STK31: variants seen among roughly 807,000 people sequenced by gnomAD.
STK31 encodes the protein serine/threonine kinase 31, also known as serine/threonine-protein kinase 31.
Under a neutral mutation model 129.7 loss-of-function variants are expected in STK31, and 89 were observed. The ratio of observed to expected loss-of-function variants is 0.69; its 90% CI spans 0.58 to 0.82. The LOEUF (loss-of-function observed/expected upper bound fraction) is 0.82, where lower values mean the gene tolerates loss of function less well. Ranked by LOEUF, STK31 falls within the 40% of genes least tolerant of loss-of-function variation. The probability of loss-of-function intolerance (pLI) is 0.00; values close to 1 mark genes in which losing one functional copy is unlikely to be tolerated. For synonymous variants in STK31, 448 were observed against 395.3 expected, an observed-to-expected ratio of 1.13 and a Z score of -1.58; for missense variants, 1,187 against 1,176.4, an observed-to-expected ratio of 1.01 and a Z score of -0.13.
chr7:23,793,778 C>A (rs1791786344), intron 22 of STK31, among the ~76,000 whole-genome samples: 1 of 152,136 alleles, frequency 6.6e-6, no homozygotes, highest in South Asian at 2.1e-4. Flanking sequence ...TATATATTGC[C>A]CAGGGGAATG....
chr7:23,717,405 A>G (rs1218923462), intron 3 of STK31, 76 bp from the exon 4 acceptor site: 3 of 949,424 alleles, frequency 3.2e-6, no homozygotes, highest in Non-Finnish European at 3.0e-6. Flanking sequence ...TAAGTTTATC[A>G]TGCTTAGAAC....
intron 23 of STK31, among the ~76,000 whole-genome samples, chr7:23,828,538 T>TTCC: frequency 6.6e-6 from 1 of 152,358 alleles, no homozygotes; most frequent in South Asian, 2.1e-4. Flanking sequence ...CCCCTTGCGC[T>TTCC]TCCCGGGTGA....
chr7:23,778,837 A>G (rs764494186), intron 15 of STK31, among the ~76,000 whole-genome samples: 87 of 152,166 alleles, frequency 5.7e-4, no homozygotes, highest in South Asian at 6.2e-4. Context: ...ACTTCTGTCA[A>G]TTCATCAAAC....
chr7:23,738,493 T>C (rs957195705), intron 8 of STK31, among the ~76,000 whole-genome samples: 2 of 152,178 alleles, frequency 1.3e-5, no homozygotes, highest in African/African-American at 2.4e-5. Flanking sequence ...ACTCAAGCAA[T>C]CCACTCACTT....
At chr7:23,829,479 A>C (rs371149417) in intron 23 of STK31, among the ~76,000 whole-genome samples, 1 of 152,172 alleles carries the variant, frequency 6.6e-6, no homozygotes, top group African/African-American at 2.4e-5. Flanking sequence ...GATAAATGCT[A>C]ATTAATCATG....
chr7:23,739,682 T>G (rs192166032), intron 8 of STK31, among the ~76,000 whole-genome samples: 44 of 152,360 alleles, frequency 2.9e-4, no homozygotes, highest in African/African-American at 1.0e-3. Context: ...AGTTTCAGTT[T>G]TCTTCATATG....
intron 17 of STK31, among the ~76,000 whole-genome samples, chr7:23,784,889 G>A (rs1791168660): frequency 6.6e-6 from 1 of 152,138 alleles, no homozygotes; most frequent in African/African-American, 2.4e-5. Context: ...AGAGGTGTTA[G>A]AATTACTTCA....
At chr7:23,806,841 A>C (rs1015189926) in intron 22 of STK31, among the ~76,000 whole-genome samples, 2 of 148,276 alleles carry the variant, frequency 1.3e-5, no homozygotes, top group Non-Finnish European at 3.0e-5. Context: ...CGGAGCTTGC[A>C]GTGAGCAGAG....
At chr7:23,826,434 T>G (rs1352818500) in intron 23 of STK31, among the ~76,000 whole-genome samples, 1 of 152,182 alleles carries the variant, frequency 6.6e-6, no homozygotes, top group African/African-American at 2.4e-5. Flanking sequence ...TGCCTTTTTT[T>G]GTTTTCCATT....
intron 3 of STK31, among the ~76,000 whole-genome samples, chr7:23,714,116 C>A (rs1786151508): frequency 6.6e-6 from 1 of 151,998 alleles, no homozygotes. Context: ...GTGGTTCATT[C>A]TTTGACCACA....
intron 6 of STK31, among the ~76,000 whole-genome samples, chr7:23,732,036 C>T (rs1280061764): frequency 4.6e-5 from 7 of 152,090 alleles, no homozygotes; most frequent in African/African-American, 1.4e-4. Flanking sequence ...TTGTCCAGTG[C>T]GGTGGCTCAT....
At chr7:23,713,881 T>TAC (rs1191728582) in intron 3 of STK31, among the ~76,000 whole-genome samples, 2 of 152,034 alleles carry the variant, frequency 1.3e-5, no homozygotes, top group African/African-American at 2.4e-5. Context: ...AATATATATA[T>TAC]ACACACACAC....
chr7:23,776,336 T>C (rs1037518017), intron 15 of STK31, among the ~76,000 whole-genome samples: 8 of 152,204 alleles, frequency 5.3e-5, no homozygotes, highest in African/African-American at 7.2e-5. Flanking sequence ...AGGATGATGC[T>C]GGCCTCATAA....
At chr7:23,795,517 A>G (rs1791899357) in intron 22 of STK31, among the ~76,000 whole-genome samples, 1 of 152,176 alleles carries the variant, frequency 6.6e-6, no homozygotes, top group Admixed American at 6.5e-5. Context: ...CAGAGCCCCA[A>G]CTGGTGTACT....
intron 17 of STK31, among the ~76,000 whole-genome samples, 160 bp downstream of exon 17, chr7:23,783,823 A>G (rs1185594312): frequency 6.6e-6 from 1 of 152,202 alleles, no homozygotes; most frequent in African/African-American, 2.4e-5. Flanking sequence ...ACCCTTTAAT[A>G]GTTGCATGGT....
intron 3 of STK31, among the ~76,000 whole-genome samples, chr7:23,713,599 A>T (rs1460634513): frequency 6.6e-6 from 1 of 152,138 alleles, no homozygotes; most frequent in East Asian, 1.9e-4. Flanking sequence ...CCTTATTCTA[A>T]AGCTTTCTTC....
At chr7:23,715,620 T>C (rs1423670452) in intron 3 of STK31, among the ~76,000 whole-genome samples, 1 of 152,062 alleles carries the variant, frequency 6.6e-6, no homozygotes, top group Non-Finnish European at 1.5e-5. Flanking sequence ...TGTTTTAGTC[T>C]GTATAGTGAA....
chr7:23,738,404 GTCTTGCAACA>G (rs70956917), intron 8 of STK31, among the ~76,000 whole-genome samples: 110,045 of 151,902 alleles, frequency 0.72, 40,068 homozygotes, highest in Admixed American at 0.77. Context: ...TTTTGAGACA[GTCTTGCAACA>G]TCTTGCTCTG....
At chr7:23,750,017 A>G (rs958964009) in intron 8 of STK31, among the ~76,000 whole-genome samples, 8 of 143,556 alleles carry the variant, frequency 5.6e-5, no homozygotes, top group Non-Finnish European at 1.1e-4. Flanking sequence ...TTCAGGGTAG[A>G]TCTTATTAAG....
Sources: allele counts gnomAD v4.1 joint callset (sites outside exome capture counted in the v4.1 genomes callset), GRCh38; gene constraint gnomAD v4.1.1; transcripts MANE v1.5; gene names NCBI Gene and HGNC (gene_info 2026-07-23, HGNC 2026-07-21).